The following ITGBL1 variants were observed in gnomAD, a reference collection of about 807,000 sequenced individuals.
ITGBL1 encodes the protein integrin subunit beta like 1, also known as integrin beta-like protein 1.
A neutral mutation model predicts 68.5 loss-of-function variants in ITGBL1; 51 were observed. The observed-to-expected ratio is 0.74, with a 90% confidence interval of 0.59 to 0.94. The LOEUF (loss-of-function observed/expected upper bound fraction) is 0.94. ITGBL1 is among the 40% of genes least tolerant of loss of function. The pLI is 0.00. For missense variants in ITGBL1, 649 were observed against 647.4 expected, an observed-to-expected ratio of 1.00 and a Z score of -0.03; for synonymous variants, 209 against 227.3, an observed-to-expected ratio of 0.92 and a Z score of 0.72.
chr13:101,693,628 A>G (rs78763919), intron 8 of ITGBL1, among the ~76,000 whole-genome samples: 1,953 of 52,666 alleles, frequency 0.037, 20 homozygotes, highest in African/African-American at 0.11. Flanking sequence ...CTGTCTGTCT[A>G]TCTATCTATC....
intron 7 of ITGBL1, among the ~76,000 whole-genome samples, chr13:101,611,705 C>T (rs1489236294): frequency 3.3e-5 from 5 of 152,068 alleles, no homozygotes; most frequent in South Asian, 2.1e-4. Flanking sequence ...GAACCCTTCT[C>T]GGTGACCTTG....
chr13:101,653,712 C>G (rs769451808), intron 7 of ITGBL1, among the ~76,000 whole-genome samples: 21 of 151,204 alleles, frequency 1.4e-4, no homozygotes, highest in South Asian at 1.1e-3. Flanking sequence ...TTTTTTGAGA[C>G]AGAGTCTCAC....
At chr13:101,719,418 G>GCAAA (rs1220968608), downstream of ITGBL1, 4 of 150,032 alleles carry the variant, frequency 2.7e-5, no homozygotes, top group South Asian at 8.6e-4. Context: ...TTCAGGACAA[G>GCAAA]CAAACATTTA....
chr13:101,586,334 T>C (rs1045507032), intron 6 of ITGBL1, among the ~76,000 whole-genome samples: 2 of 152,176 alleles, frequency 1.3e-5, no homozygotes, highest in African/African-American at 4.8e-5. Flanking sequence ...CAATCTATTA[T>C]TGTGATTTTA....
rs777716755 is a variant in ITGBL1, at chr13:101,575,414, C to T, written c.464-10C>T. 1.2e-6 allele frequency: 2 copies of T among 1,601,462 alleles called. No homozygotes were observed. The highest frequency in any genetic ancestry group is 8.5e-7 in the Non-Finnish European group (1 of 1,175,470). The stretch of plus-strand genomic sequence containing the variant: ...TGTAACAAACAGTCTTTTTTGTTTT[C>T]ATGGTTTAGGTACATGTCACTGTGG... On this transcript the variant is annotated splice_polypyrimidine_tract_variant and intron_variant, in intron 3 of 10. Coordinates refer to ENST00000376180, the MANE Select transcript of ITGBL1 (RefSeq NM_004791.3).
chr13:101,678,525 A>T (rs61965092), intron 7 of ITGBL1, among the ~76,000 whole-genome samples: 15,576 of 143,420 alleles, frequency 0.11, 1,200 homozygotes, highest in African/African-American at 0.22. Flanking sequence ...TTTGAGATGG[A>T]GTCTCATTCT....
chr13:101,651,315 T>C (rs567158229), intron 7 of ITGBL1, among the ~76,000 whole-genome samples: 1 of 152,318 alleles, frequency 6.6e-6, no homozygotes, highest in East Asian at 1.9e-4. Flanking sequence ...ATCTGTTGTT[T>C]CTTGACTTTT....
chr13:101,637,303 G>C (rs1308748212), intron 7 of ITGBL1, among the ~76,000 whole-genome samples: 1 of 151,480 alleles, frequency 6.6e-6, no homozygotes, highest in East Asian at 1.9e-4. Context: ...AAGTTAAATC[G>C]GTGCTGGGGA....
chr13:101,701,129 G>A (rs935904467), intron 8 of ITGBL1, among the ~76,000 whole-genome samples: 55 of 152,112 alleles, frequency 3.6e-4, no homozygotes, highest in African/African-American at 1.3e-3. Flanking sequence ...TTGTTCTTAA[G>A]TAAAGTCATA....
At chr13:101,716,514 G>A (rs1050589339), downstream of ITGBL1, 2 of 152,038 alleles carry the variant, frequency 1.3e-5, no homozygotes, top group African/African-American at 2.4e-5. Context: ...TCTATTTTAG[G>A]TTTCTAGAAA....
chr13:101,713,738 C>T, intron 9 of ITGBL1: 1 of 151,750 alleles, frequency 6.6e-6, no homozygotes, highest in East Asian at 1.9e-4. Flanking sequence ...TTTTAAATAA[C>T]CAAAGAGGAA....
At chr13:101,697,953 G>A (rs932662728) in intron 8 of ITGBL1, among the ~76,000 whole-genome samples, 1 of 152,140 alleles carries the variant, frequency 6.6e-6, no homozygotes, top group Non-Finnish European at 1.5e-5. Flanking sequence ...CTGTACCTCG[G>A]GGAGGAAATT....
At chr13:101,622,216 T>C (rs1367804138) in intron 7 of ITGBL1, among the ~76,000 whole-genome samples, 1 of 152,194 alleles carries the variant, frequency 6.6e-6, no homozygotes, top group African/African-American at 2.4e-5. Flanking sequence ...TGAGTACTTA[T>C]AGAGTTCTAG....
intron 7 of ITGBL1, among the ~76,000 whole-genome samples, chr13:101,688,452 G>A (rs959181899): frequency 1.3e-5 from 2 of 152,006 alleles, no homozygotes; most frequent in South Asian, 4.1e-4. Context: ...GGAAGAAATA[G>A]GGAACATAAA....
At chr13:101,547,226 A>G (rs1020299387) in intron 2 of ITGBL1, among the ~76,000 whole-genome samples, 6 of 151,780 alleles carry the variant, frequency 4.0e-5, no homozygotes, top group Admixed American at 6.6e-5. Context: ...GTGTATGCCT[A>G]TATTCCTCCT....
chr13:101,587,625 G>A (rs557925362), intron 6 of ITGBL1, among the ~76,000 whole-genome samples: 19 of 152,068 alleles, frequency 1.2e-4, no homozygotes, highest in African/African-American at 2.4e-4. Flanking sequence ...AAACTTTATC[G>A]TTCAGCTTTC....
intron 7 of ITGBL1, among the ~76,000 whole-genome samples, chr13:101,624,464 T>G (rs998279954): frequency 5.9e-5 from 9 of 152,126 alleles, no homozygotes; most frequent in African/African-American, 2.2e-4. Context: ...AATGAAGTAA[T>G]TGTCCATGGA....
chr13:101,665,274 C>T (rs2033186982), intron 7 of ITGBL1, among the ~76,000 whole-genome samples: 1 of 151,878 alleles, frequency 6.6e-6, no homozygotes, highest in Non-Finnish European at 1.5e-5. Flanking sequence ...TAATCTATAG[C>T]CTTCCTTTTT....
intron 10 of ITGBL1, 77 bp from the exon 11 acceptor site, chr13:101,715,486 C>G (rs1183385499): frequency 6.2e-6 from 6 of 972,298 alleles, no homozygotes; most frequent in Non-Finnish European, 1.0e-5. Context: ...ATTGTGGACA[C>G]TTGTGATTTA....
Sources: gnomAD v4.1 joint callset for allele counts (sites outside exome capture counted in the v4.1 genomes callset) on GRCh38, gnomAD v4.1.1 for gene constraint, MANE v1.5 for transcripts, NCBI Gene and HGNC (gene_info 2026-07-23, HGNC 2026-07-21) for gene names.